Variants in APAF1 observed in about 807,000 individuals in gnomAD.
APAF1 encodes the protein apoptotic peptidase activating factor 1, also known as apoptotic protease-activating factor 1.
APAF1 carries 91 observed loss-of-function variants against 152.4 expected under a neutral mutation model. The ratio of observed to expected loss-of-function variants is 0.60; its 90% CI spans 0.50 to 0.71. The LOEUF (loss-of-function observed/expected upper bound fraction) is 0.71. APAF1 is among the 30% of genes least tolerant of loss of function. The probability of loss-of-function intolerance (pLI) is 0.00; values close to 1 mark genes in which losing one functional copy is unlikely to be tolerated. For synonymous variants in APAF1, 484 were observed against 494.1 expected, an observed-to-expected ratio of 0.98 and a Z score of 0.27; for missense variants, 1,283 against 1,472.0, an observed-to-expected ratio of 0.87 and a Z score of 2.10.
At chr12:98,678,049 T>G (rs1351686089) in intron 13 of APAF1, among the ~76,000 whole-genome samples, 1 of 152,244 alleles carries the variant, frequency 6.6e-6, no homozygotes, top group Non-Finnish European at 1.5e-5. Flanking sequence ...GTTTGTGTTC[T>G]GCCTTTTGAT....
intron 20 of APAF1, among the ~76,000 whole-genome samples, chr12:98,711,689 A>G (rs2097728061): frequency 6.6e-6 from 1 of 152,230 alleles, no homozygotes; most frequent in Admixed American, 6.5e-5. Context: ...GTTTTAGATG[A>G]GTGATAAGGC....
rs777960954 is a variant in APAF1 at position 98,671,032 on chromosome 12, C to T, written c.1554C>T (p.Gly518=). ...DWIKAKTELV[G]PAHLIHEFVE... The stretch of plus-strand genomic sequence containing the variant: ...TTAAAGCAAAAACAGAACTTGTAGG[C>T]CCTGCTCATCTGATTCATGAATTTG... The change falls in exon 11 of 27, where the codon GGC becomes GGT. Residue 518 remains glycine, a synonymous_variant. Coordinates refer to ENST00000551964, the MANE Select transcript of APAF1 (RefSeq NM_181861.2). 6.2e-7 allele frequency: 1 copy of T among 1,612,446 alleles called. No homozygotes were observed. Among genetic ancestry groups the T allele is most frequent in the East Asian group, 2.2e-5 (1 of 44,720 alleles).
chr12:98,665,376 T>G (rs1405406184), intron 7 of APAF1, among the ~76,000 whole-genome samples, 177 bp from the exon 8 acceptor site: 1 of 151,098 alleles, frequency 6.6e-6, no homozygotes, highest in Non-Finnish European at 1.5e-5. Flanking sequence ...AAATCTTTCT[T>G]ATTTCTAATT....
Position 98,665,541 on chromosome 12 carries a change from T to G in APAF1, c.956-12T>G, listed in dbSNP as rs1010396229. ...ATGGTATTAGCATAGTGACTTCATT[T>G]TTTTTTTAAAGGCTCTCCCCTTGTA... On this transcript the variant is annotated splice_polypyrimidine_tract_variant and intron_variant, in intron 7 of 26. Transcript: ENST00000551964. The G allele has an allele frequency of 1.9e-6, 3 of 1,589,092 alleles. No individual in the cohort carries two copies. The highest frequency in any genetic ancestry group is 3.3e-5 in the Admixed American group (2 of 59,938).
Position 98,663,646 on chromosome 12 carries a change from A to C in APAF1, c.955+840A>C, listed in dbSNP as rs541977928. Among the ~76,000 whole-genome samples the C allele has an allele frequency of 5.9e-5, 9 of 151,712 alleles. No homozygotes were observed. In the East Asian group the frequency reaches 1.5e-3, roughly 26 times the overall value. On this transcript the variant is annotated intron_variant, in intron 7 of 26. Transcript: ENST00000551964. ...TTATTGTTATGCTTGGAAATACCTT[A>C]TTTTTCTTCTTTTTCTTTTTTTTTC...
At chr12:98,720,847 G>C (rs975481125) in intron 22 of APAF1, among the ~76,000 whole-genome samples, 2 of 152,000 alleles carry the variant, frequency 1.3e-5, no homozygotes, top group African/African-American at 4.8e-5. Flanking sequence ...GGCACCTGTA[G>C]TCCCAGCTAC....
intron 26 of APAF1, 121 bp downstream of exon 26, chr12:98,727,437 C>T: frequency 9.0e-7 from 1 of 1,109,170 alleles, no homozygotes. Context: ...AAGGCTGCTA[C>T]TCCGGAGGCT....
chr12:98,715,757 GA>G (rs3214599), intron 22 of APAF1, among the ~76,000 whole-genome samples: 9,833 of 152,172 alleles, frequency 0.065, 514 homozygotes, highest in African/African-American at 0.15. Context: ...TCCTCTGTTG[GA>G]AGGTTGTTTA....
chr12:98,652,621 T>G (rs2097650329), intron 4 of APAF1, among the ~76,000 whole-genome samples: 1 of 151,952 alleles, frequency 6.6e-6, no homozygotes, highest in Non-Finnish European at 1.5e-5. Context: ...TAGACTTTTA[T>G]TTTATTTTAT....
At chr12:98,724,816 T>C (rs1357856108) in intron 24 of APAF1, among the ~76,000 whole-genome samples, 1 of 152,192 alleles carries the variant, frequency 6.6e-6, no homozygotes, top group African/African-American at 2.4e-5. Context: ...AGTTCTTAGC[T>C]CACAGCGCTT....
At chr12:98,681,599 C>A (rs773181328) in intron 14 of APAF1, among the ~76,000 whole-genome samples, 1 of 152,092 alleles carries the variant, frequency 6.6e-6, no homozygotes, top group African/African-American at 2.4e-5. Context: ...AAGTTTTCAC[C>A]TACTGGAAGA....
intron 13 of APAF1, among the ~76,000 whole-genome samples, chr12:98,678,512 C>G (rs2097688887): frequency 6.6e-6 from 1 of 152,142 alleles, no homozygotes; most frequent in African/African-American, 2.4e-5. Flanking sequence ...CAGAGCCCTG[C>G]CCTCCTGGGT....
At chr12:98,670,924 T>G (rs776360721) in intron 10 of APAF1, 49 bp from the exon 11 acceptor site, 2 of 1,158,826 alleles carry the variant, frequency 1.7e-6, no homozygotes, top group South Asian at 2.4e-5. Context: ...ATACCTAAAA[T>G]TTTTTGATCT....
At chr12:98,708,742 G>T in intron 20 of APAF1, 38 bp downstream of exon 20, 4 of 1,603,158 alleles carry the variant, frequency 2.5e-6, no homozygotes, top group Non-Finnish European at 3.4e-6. Flanking sequence ...AAATTGTTTT[G>T]GTTGAATTTT....
intron 9 of APAF1, among the ~76,000 whole-genome samples, chr12:98,666,887 T>C (rs2097673568): frequency 6.6e-6 from 1 of 152,188 alleles, no homozygotes; most frequent in Non-Finnish European, 1.5e-5. Flanking sequence ...TGTTTTGCCA[T>C]GTTGCCCAGG....
chr12:98,690,266 A>T (rs1419629438), intron 16 of APAF1, among the ~76,000 whole-genome samples: 1 of 152,162 alleles, frequency 6.6e-6, no homozygotes, highest in Non-Finnish European at 1.5e-5. Context: ...GTAGAATTCT[A>T]CTTTGTAGAG....
Position 98,659,160 on chromosome 12 carries a change from G to A in APAF1, c.527G>A (p.Gly176Asp). 2 of 1,614,126 alleles carry A rather than the reference G, an allele frequency of 1.2e-6. No homozygotes were observed. The highest frequency in any genetic ancestry group is 4.5e-5 in the East Asian group (2 of 44,882). Residue 176 changes from glycine to aspartate, a missense_variant and splice_region_variant, in exon 5 of 27, where the codon GGT becomes GAT. Coordinates refer to ENST00000551964, the MANE Select transcript of APAF1 (RefSeq NM_181861.2). ...AGTTCATTATTCTTTCCCTCACTAG[G>A]TTGTTTCCCAGGGGGAGTGCATTGG... ...EAVRDHSLLE[G>D]CFPGGVHWVS...
At position 98,659,105 on chromosome 12, in the gene APAF1, T is replaced by C. The variant is rs1008639528; in HGVS notation, c.527-55T>C. On this transcript the variant is annotated intron_variant, in intron 4 of 26. Coordinates refer to ENST00000551964, the MANE Select transcript of APAF1 (RefSeq NM_181861.2). ...ATCTGATGCTTAACAGTAAAACCAT[T>C]TAAAGGAGTACTCCTGTTGAAAGGC... 5.2e-6 allele frequency: 8 copies of C among 1,525,946 alleles called. No individual in the cohort carries two copies. In the African/African-American group the frequency reaches 9.6e-5, roughly 18 times the overall value. The allele number at this position is 1,525,946 out of a possible 1,614,324, so 94.5% of individuals were successfully genotyped here.
chr12:98,693,075 A>C (rs56394057), intron 16 of APAF1, among the ~76,000 whole-genome samples: 3,680 of 151,920 alleles, frequency 0.024, 134 homozygotes, highest in African/African-American at 0.085. Flanking sequence ...TAAAAAAAAA[A>C]AACAACACAT....
Sources: allele counts gnomAD v4.1 joint callset (sites outside exome capture counted in the v4.1 genomes callset), GRCh38; gene constraint gnomAD v4.1.1; transcripts MANE v1.5; gene names NCBI Gene and HGNC (gene_info 2026-07-23, HGNC 2026-07-21).